The following BCAT1 variants were observed in gnomAD, a reference collection of about 807,000 sequenced individuals.
BCAT1 encodes the protein branched-chain-amino-acid aminotransferase, cytosolic.
A neutral mutation model predicts 52.4 loss-of-function variants in BCAT1; 48 were observed. That is an observed-to-expected ratio of 0.92 (90% confidence interval 0.73 to 1.16). The LOEUF (loss-of-function observed/expected upper bound fraction) is 1.16, where lower values mean the gene tolerates loss of function less well. Among genes scored for constraint, BCAT1 ranks in the 50% most tolerant of loss-of-function variants. The pLI is 0.00. For synonymous variants in BCAT1, 167 were observed against 161.3 expected, an observed-to-expected ratio of 1.04 and a Z score of -0.27; for missense variants, 451 against 457.1, an observed-to-expected ratio of 0.99 and a Z score of 0.12.
At chr12:24,821,326 C>G (rs1940115223) in intron 10 of BCAT1, among the ~76,000 whole-genome samples, 1 of 152,164 alleles carries the variant, frequency 6.6e-6, no homozygotes, top group African/African-American at 2.4e-5. Context: ...TGCCCCTTTC[C>G]TATGCTTCAG....
intron 10 of BCAT1, among the ~76,000 whole-genome samples, chr12:24,819,747 G>A (rs1011567648): frequency 4.6e-5 from 7 of 152,162 alleles, no homozygotes; most frequent in African/African-American, 1.7e-4. Context: ...CCAAGAATGG[G>A]TCTACCTACC....
chr12:24,916,871 A>G (rs1265960285), intron 1 of BCAT1, among the ~76,000 whole-genome samples: 1 of 152,166 alleles, frequency 6.6e-6, no homozygotes, highest in Non-Finnish European at 1.5e-5. Context: ...TATGCAAATA[A>G]CTATATTGCC....
chr12:24,844,174 T>A (rs1941262491), intron 6 of BCAT1, among the ~76,000 whole-genome samples: 1 of 152,178 alleles, frequency 6.6e-6, no homozygotes, highest in South Asian at 2.1e-4. Flanking sequence ...ATGCCTGTAA[T>A]CCCAGCACTT....
chr12:24,921,873 T>C (rs1439510363), intron 1 of BCAT1, among the ~76,000 whole-genome samples: 1 of 152,126 alleles, frequency 6.6e-6, no homozygotes, highest in East Asian at 1.9e-4. Flanking sequence ...ATTGGCTCTA[T>C]AAATTGCCAG....
intron 10 of BCAT1, among the ~76,000 whole-genome samples, chr12:24,818,301 A>T (rs1263539133): frequency 6.6e-6 from 1 of 152,226 alleles, no homozygotes; most frequent in East Asian, 1.9e-4. Flanking sequence ...AAAGAATTAC[A>T]AATTTTACAA....
chr12:24,923,714 A>G (rs998295224), intron 1 of BCAT1, among the ~76,000 whole-genome samples: 3 of 152,168 alleles, frequency 2.0e-5, no homozygotes, highest in Non-Finnish European at 2.9e-5. Flanking sequence ...CCGGCCTTCA[A>G]GTATATTTCT....
intron 1 of BCAT1, chr12:24,903,138 G>GC: frequency 7.6e-7 from 1 of 1,314,864 alleles, no homozygotes. Context: ...AGGGCCAGGC[G>GC]CAGGGTACGA....
chr12:24,874,220 A>C (rs1942264321), intron 5 of BCAT1, among the ~76,000 whole-genome samples: 1 of 152,232 alleles, frequency 6.6e-6, no homozygotes, highest in Non-Finnish European at 1.5e-5. Flanking sequence ...AGGCTGAGGC[A>C]GGAGAATCAC....
At chr12:24,887,080 A>AAAAATATATATATATAT (rs1245203518) in intron 3 of BCAT1, among the ~76,000 whole-genome samples, 1 of 40,746 alleles carries the variant, frequency 2.5e-5, no homozygotes, top group Non-Finnish European at 5.2e-5. Flanking sequence ...AAAAAAAAAA[A>AAAAATATATATATATAT]ATATATATAT....
At chr12:24,855,717 G>C (rs972244663) in intron 5 of BCAT1, among the ~76,000 whole-genome samples, 3 of 152,274 alleles carry the variant, frequency 2.0e-5, no homozygotes, top group Admixed American at 6.5e-5. Flanking sequence ...GAGAAGTCTG[G>C]AGGAAGTCCG....
chr12:24,893,922 G>A (rs975553655), intron 3 of BCAT1, among the ~76,000 whole-genome samples: 2 of 152,126 alleles, frequency 1.3e-5, no homozygotes, highest in African/African-American at 4.8e-5. Context: ...TCATAATATT[G>A]TTCTCAATGA....
At chr12:24,928,521 T>C (rs1040149069) in intron 1 of BCAT1, among the ~76,000 whole-genome samples, 1 of 150,364 alleles carries the variant, frequency 6.7e-6, no homozygotes, top group Non-Finnish European at 1.5e-5. Flanking sequence ...ATGACTGTGG[T>C]CCCAGCTAGT....
chr12:24,922,198 G>A (rs1309661637), intron 1 of BCAT1, among the ~76,000 whole-genome samples: 1 of 152,112 alleles, frequency 6.6e-6, no homozygotes, highest in Non-Finnish European at 1.5e-5. Flanking sequence ...ACATTGTCCA[G>A]GCTGGAGTCC....
intron 1 of BCAT1, among the ~76,000 whole-genome samples, chr12:24,922,560 C>T (rs1591878276): frequency 6.6e-6 from 1 of 152,082 alleles, no homozygotes; most frequent in South Asian, 2.1e-4. Flanking sequence ...TCAATACTTT[C>T]GACTATAATT....
intron 1 of BCAT1, among the ~76,000 whole-genome samples, chr12:24,934,043 C>T (rs1204146801): frequency 6.6e-6 from 1 of 152,184 alleles, no homozygotes; most frequent in Non-Finnish European, 1.5e-5. Flanking sequence ...GCCATCTTAA[C>T]GTGTCTGGTT....
intron 1 of BCAT1, among the ~76,000 whole-genome samples, chr12:24,928,480 T>TA (rs1943626749): frequency 6.6e-6 from 1 of 151,456 alleles, no homozygotes; most frequent in African/African-American, 2.4e-5. Flanking sequence ...CTATAAGAAA[T>TA]AAAAAATAAA....
In BCAT1 at chr12:24,832,837, G is replaced by A; in HGVS notation, c.930C>T (p.Tyr310=). The change falls in exon 9 of 11, where the codon TAC becomes TAT. Residue 310 remains tyrosine (Y), a synonymous_variant. Transcript: ENST00000261192. ...CTGTTGTCAAGTCATCCATGGTGAGGTATCTCTCTGACACCTTAAATTCAC... is the reference window on the plus strand; with the variant it reads ...CTGTTGTCAAGTCATCCATGGTGAGATATCTCTCTGACACCTTAAATTCAC... The part of the protein sequence containing the change: ...QWGEFKVSER[Y]LTMDDLTTAL... 3 of 1,612,036 alleles carry A rather than the reference G, an allele frequency of 1.9e-6. No individual in the cohort carries two copies. Among genetic ancestry groups the A allele is most frequent in the Non-Finnish European group, 2.5e-6 (3 of 1,179,106 alleles).
intron 1 of BCAT1, among the ~76,000 whole-genome samples, chr12:24,908,740 TA>T (rs934567952): frequency 3.9e-5 from 6 of 151,934 alleles, no homozygotes; most frequent in African/African-American, 1.5e-4. Flanking sequence ...GACCCTGTCT[TA>T]AAAAAAATAA....
chr12:24,912,043 T>C (rs1591869278), intron 1 of BCAT1, among the ~76,000 whole-genome samples: 2 of 152,142 alleles, frequency 1.3e-5, no homozygotes, highest in East Asian at 3.8e-4. Context: ...CCTAAATAGC[T>C]TTTAAGAGTT....
Sources: gnomAD v4.1 joint callset for allele counts (sites outside exome capture counted in the v4.1 genomes callset) on GRCh38, gnomAD v4.1.1 for gene constraint, MANE v1.5 for transcripts, NCBI Gene and HGNC (gene_info 2026-07-23, HGNC 2026-07-21) for gene names.